CXADR: variants seen among roughly 807,000 people sequenced by gnomAD.
CXADR encodes CXADR cell adhesion molecule.
CXADR carries 20 observed loss-of-function variants against 40.3 expected under a neutral mutation model. That is an observed-to-expected ratio of 0.50 (90% CI 0.35 to 0.72). The LOEUF (loss-of-function observed/expected upper bound fraction) is 0.72, where lower values mean the gene tolerates loss of function less well. Ranked by LOEUF, CXADR falls within the 30% of genes least tolerant of loss-of-function variation. The pLI is 0.01. For synonymous variants in CXADR, 150 were observed against 161.3 expected, an observed-to-expected ratio of 0.93 and a Z score of 0.53; for missense variants, 332 against 449.1, an observed-to-expected ratio of 0.74 and a Z score of 2.36.
chr21:17,617,919 G>C, the CXADR span, among the ~76,000 whole-genome samples: 11 of 152,158 alleles, frequency 7.2e-5, no homozygotes, highest in Non-Finnish European at 1.5e-4. Flanking sequence ...ACTCACCGTA[G>C]AACTTCTTTC....
chr21:17,548,510 G>A (rs781368988), intron 2 of CXADR, among the ~76,000 whole-genome samples: 1 of 152,130 alleles, frequency 6.6e-6, no homozygotes, highest in Non-Finnish European at 1.5e-5. Context: ...CTCTCTGGAG[G>A]TGCTGGCACC....
rs77939418 is a variant in CXADR, at chr21:17,561,586, A to G, written c.833+110A>G. The stretch of plus-strand genomic sequence containing the variant: ...AAGCATCTTTCTTAGGAGAATGGGT[A>G]AAAGCTCTGGCCGCCTTCTCAATAC... On this transcript the variant is annotated intron_variant, in intron 6 of 6. Transcript: ENST00000284878. 3,679 of 928,334 alleles carry G rather than the reference A, an allele frequency of 4.0e-3. 65 individuals are homozygous for G. The African/African-American group carries it at 0.046, about 12-fold the overall frequency. 57.5% of individuals were successfully genotyped at this position (928,334 alleles called of 1,614,324 possible).
chr21:17,618,544 T>G, the CXADR span, among the ~76,000 whole-genome samples: 1 of 152,174 alleles, frequency 6.6e-6, no homozygotes, highest in African/African-American at 2.4e-5. Flanking sequence ...CTTTTCTTTT[T>G]TTTTGGAGGC....
At chr21:17,605,957 C>T in the CXADR span, among the ~76,000 whole-genome samples, 4 of 152,044 alleles carry the variant, frequency 2.6e-5, no homozygotes, top group Admixed American at 2.0e-4. Flanking sequence ...AGTAATTACG[C>T]TGTAAAATAC....
the CXADR span, among the ~76,000 whole-genome samples, chr21:17,623,354 A>G: frequency 7.9e-6 from 1 of 125,862 alleles, no homozygotes; most frequent in East Asian, 2.5e-4. Flanking sequence ...CATTAAATAC[A>G]TAACTAAATG....
chr21:17,628,754 C>T, the CXADR span, among the ~76,000 whole-genome samples: 2 of 152,264 alleles, frequency 1.3e-5, no homozygotes, highest in African/African-American at 4.8e-5. Flanking sequence ...CCGCCCTCCT[C>T]GGCCTCCCAA....
Position 17,548,452 on chromosome 21 carries a change from G to T in CXADR, c.210+1259G>T, listed in dbSNP as rs570476221. Among the ~76,000 whole-genome samples, 18 of 152,214 alleles carry T rather than the reference G, an allele frequency of 1.2e-4. No individual in the cohort carries two copies. In the South Asian group the frequency reaches 3.7e-3, roughly 32 times the overall value. ...TGACTCATTTTATCTACTCAGCCTC[G>T]TTGCCCTGTTCCCTGTCACTCTTAC... On this transcript the variant is annotated intron_variant, in intron 2 of 6. Transcript: ENST00000284878.
At chr21:17,610,806 A>G in the CXADR span, among the ~76,000 whole-genome samples, 1 of 152,236 alleles carries the variant, frequency 6.6e-6, no homozygotes, top group Non-Finnish European at 1.5e-5. Flanking sequence ...CACATTTCCA[A>G]AAAAATAAAG....
the CXADR span, among the ~76,000 whole-genome samples, chr21:17,619,986 G>T: frequency 6.6e-6 from 1 of 152,128 alleles, no homozygotes; most frequent in African/African-American, 2.4e-5. Context: ...AGGGAATGTT[G>T]TGGCTGGTTT....
the CXADR span, among the ~76,000 whole-genome samples, chr21:17,616,242 G>A: frequency 6.8e-6 from 1 of 146,260 alleles, no homozygotes; most frequent in Admixed American, 6.8e-5. Flanking sequence ...AACAGAGCAA[G>A]ACACTATCTA....
intron 7 of CXADR, among the ~76,000 whole-genome samples, chr21:17,591,128 CAA>C (rs2061431736): frequency 6.6e-6 from 1 of 151,908 alleles, no homozygotes; most frequent in African/African-American, 2.4e-5. Context: ...TTATAGGTAA[CAA>C]AATGAATCTG....
At chr21:17,627,443 T>C in the CXADR span, among the ~76,000 whole-genome samples, 10 of 152,102 alleles carry the variant, frequency 6.6e-5, no homozygotes, top group African/African-American at 2.4e-4. Context: ...AGGACTTGAT[T>C]GAGAGATTGA....
chr21:17,542,370 T>G (rs2060841022), intron 1 of CXADR, among the ~76,000 whole-genome samples: 1 of 152,202 alleles, frequency 6.6e-6, no homozygotes, highest in Non-Finnish European at 1.5e-5. Context: ...CTTCTTCCAT[T>G]CTCTCCAGTT....
chr21:17,565,791 C>A lies in CXADR; in HGVS notation c.*99C>A. ...AAATTGTGTTACTAGCCTCAAAATA[C>A]ATCAAAAAATAAGTTAATCAGGAAC... On this transcript the variant is annotated 3_prime_UTR_variant, in exon 7 of 7. Transcript: ENST00000284878. 4 of 1,475,836 alleles carry A rather than the reference C, an allele frequency of 2.7e-6. No homozygotes were observed. Among genetic ancestry groups the A allele is most frequent in the African/African-American group, 1.4e-5 (1 of 70,144 alleles). 91.4% of individuals were successfully genotyped at this position (1,475,836 alleles called of 1,614,324 possible).
intron 4 of CXADR, 128 bp from the exon 5 acceptor site, chr21:17,560,574 T>C: frequency 1.2e-6 from 1 of 823,670 alleles, no homozygotes; most frequent in Non-Finnish European, 1.9e-6. Flanking sequence ...GCCAGTTTGC[T>C]TGCATCCAGC....
Position 17,541,372 on chromosome 21 carries a change from G to A in CXADR, c.44-5655G>A, listed in dbSNP as rs184873524. Among the ~76,000 whole-genome samples the A allele has an allele frequency of 3.8e-3, 570 of 151,920 alleles. 15 individuals are homozygous for A. The East Asian group carries it at 0.074, about 20-fold the overall frequency. On this transcript the variant is annotated intron_variant, in intron 1 of 6. Coordinates refer to ENST00000284878, the MANE Select transcript of CXADR (RefSeq NM_001338.5). The stretch of plus-strand genomic sequence containing the variant: ...TCAAGACCATCCTGGCTAACACGGC[G>A]AAACCCCGTCTCTACTAAAAATACA...
downstream of CXADR, among the ~76,000 whole-genome samples, chr21:17,574,836 C>T (rs2061307122): frequency 6.6e-6 from 1 of 152,092 alleles, no homozygotes; most frequent in South Asian, 2.1e-4. Flanking sequence ...TGAATAGATA[C>T]CTAGATGTAT....
chr21:17,558,327 G>T (rs569251212), intron 3 of CXADR, among the ~76,000 whole-genome samples: 2 of 151,904 alleles, frequency 1.3e-5, no homozygotes, highest in South Asian at 4.2e-4. Flanking sequence ...ACAGAGTCTC[G>T]CTATGTTACC....
chr21:17,559,729 C>T (rs1286830313), intron 4 of CXADR, among the ~76,000 whole-genome samples: 18 of 133,386 alleles, frequency 1.3e-4, no homozygotes, highest in African/African-American at 3.7e-4. Flanking sequence ...CCAGGCTGGG[C>T]GTGCAGTGGT....
Sources: allele counts gnomAD v4.1 joint callset (sites outside exome capture counted in the v4.1 genomes callset), GRCh38; gene constraint gnomAD v4.1.1; transcripts MANE v1.5; gene names NCBI Gene and HGNC (gene_info 2026-07-23, HGNC 2026-07-21).